C10orf67: variants seen among roughly 807,000 people sequenced by gnomAD.
C10orf67 encodes chromosome 10 open reading frame 67.
Under a neutral mutation model 35.6 loss-of-function variants are expected in C10orf67, and 60 were observed. The ratio of observed to expected loss-of-function variants is 1.68; its 90% CI spans 1.37 to 2.09. The LOEUF (loss-of-function observed/expected upper bound fraction) is 2.09. Among genes scored for constraint, C10orf67 ranks in the 30% most tolerant of loss-of-function variants. C10orf67 has a pLI of 0.00. For synonymous variants in C10orf67, 167 were observed against 115.8 expected (o/e 1.44, Z -2.84); for missense variants, 474 against 330.2 (o/e 1.44, Z -3.38).
intron 8 of C10orf67, among the ~76,000 whole-genome samples, chr10:23,271,456 A>C (rs1298137926): frequency 1.3e-5 from 2 of 152,272 alleles, no homozygotes; most frequent in Admixed American, 1.3e-4. Flanking sequence ...TAGCCAGACC[A>C]TCTGTTAAGT....
intron 5 of C10orf67, among the ~76,000 whole-genome samples, chr10:23,297,209 C>T (rs1386984926): frequency 6.8e-6 from 1 of 147,760 alleles, no homozygotes; most frequent in African/African-American, 2.5e-5. Context: ...TCAATATCTT[C>T]TTGGTGGTTC....
rs180795930 is a variant in C10orf67, at chr10:23,295,468, C to T, written c.703-4189G>A. 2.3e-3 allele frequency among the ~76,000 whole-genome samples: 345 copies of T among 152,294 alleles called. 1 individual carries two copies. The highest frequency in any genetic ancestry group is 3.7e-3 in the Non-Finnish European group (250 of 68,018). On this transcript the variant is annotated intron_variant, in intron 5 of 15. Coordinates refer to ENST00000636213, the MANE Select transcript of C10orf67 (RefSeq NM_001371909.1). ...TTTGGTACATTTTATGGAACATAAA[C>T]GGATGGCCATAAGGATTTGTGCATT... is the stretch of plus-strand genomic sequence containing the variant.
chr10:23,240,249 G>A (rs1341989661), intron 12 of C10orf67, among the ~76,000 whole-genome samples: 1 of 152,044 alleles, frequency 6.6e-6, no homozygotes, highest in South Asian at 2.1e-4. Flanking sequence ...ATGTTTTTCA[G>A]CTCAGAAAAG....
chr10:23,239,059 T>C (rs1321143419), intron 13 of C10orf67, among the ~76,000 whole-genome samples: 5 of 152,288 alleles, frequency 3.3e-5, no homozygotes, highest in East Asian at 3.9e-4. Flanking sequence ...CATATATTTA[T>C]ATGTTTCTTA....
chr10:23,336,857 A>C (rs1221511654), intron 1 of C10orf67, among the ~76,000 whole-genome samples: 1 of 152,174 alleles, frequency 6.6e-6, no homozygotes, highest in Non-Finnish European at 1.5e-5. Context: ...AAAGCAATGA[A>C]GTCTCCTTGA....
chr10:23,273,535 G>C (rs747485950), intron 8 of C10orf67, among the ~76,000 whole-genome samples: 6 of 152,090 alleles, frequency 3.9e-5, no homozygotes, highest in Non-Finnish European at 8.8e-5. Flanking sequence ...TTGCAGTCTG[G>C]AATCTCATTA....
intron 15 of C10orf67, among the ~76,000 whole-genome samples, chr10:23,221,684 T>C (rs556975355): frequency 3.9e-4 from 60 of 152,330 alleles, no homozygotes; most frequent in Non-Finnish European, 6.0e-4. Flanking sequence ...ATGCGTGAAA[T>C]GCAAGGCATT....
At chr10:23,222,642 T>C (rs1403041512) in intron 15 of C10orf67, among the ~76,000 whole-genome samples, 2 of 152,160 alleles carry the variant, frequency 1.3e-5, no homozygotes. Flanking sequence ...CATGTACCCC[T>C]GGAACCTAAA....
intron 12 of C10orf67, among the ~76,000 whole-genome samples, chr10:23,246,316 T>G (rs575438205): frequency 1.3e-5 from 2 of 152,198 alleles, no homozygotes; most frequent in East Asian, 1.9e-4. Context: ...AAGTTACCCA[T>G]GTAACAAACC....
intron 13 of C10orf67, among the ~76,000 whole-genome samples, chr10:23,236,924 G>A (rs1196823209): frequency 1.3e-5 from 2 of 152,078 alleles, no homozygotes; most frequent in African/African-American, 4.8e-5. Flanking sequence ...GGGGGTACAT[G>A]GCAGGTTTGT....
At chr10:23,292,158 C>CT (rs542812504) in intron 5 of C10orf67, among the ~76,000 whole-genome samples, 5,154 of 69,278 alleles carry the variant, frequency 0.074, 786 homozygotes, top group East Asian at 0.63. Context: ...GACAGCTACT[C>CT]TTTTTTTTTT....
chr10:23,296,002 A>T (rs1046330869), intron 5 of C10orf67, among the ~76,000 whole-genome samples: 7 of 152,208 alleles, frequency 4.6e-5, no homozygotes, highest in Non-Finnish European at 8.8e-5. Flanking sequence ...TTTGTGTTTG[A>T]TTCATTATCT....
intron 15 of C10orf67, among the ~76,000 whole-genome samples, chr10:23,221,807 T>C (rs961989808): frequency 1.3e-5 from 2 of 152,224 alleles, no homozygotes; most frequent in African/African-American, 2.4e-5. Context: ...TCAGTAAAAA[T>C]AGGAAATTTA....
chr10:23,214,317 G>A (rs1027609920), intron 15 of C10orf67, among the ~76,000 whole-genome samples: 3 of 151,970 alleles, frequency 2.0e-5, no homozygotes, highest in African/African-American at 2.4e-5. Flanking sequence ...TTAATAAGAC[G>A]AGCTAATAGA....
At chr10:23,266,790 C>G (rs1009977474) in intron 9 of C10orf67, among the ~76,000 whole-genome samples, 8 of 152,150 alleles carry the variant, frequency 5.3e-5, no homozygotes, top group Non-Finnish European at 1.0e-4. Flanking sequence ...ATGAGGATAT[C>G]AGGATGCACT....
chr10:23,244,095 T>C (rs940613310), intron 12 of C10orf67, among the ~76,000 whole-genome samples: 3 of 152,134 alleles, frequency 2.0e-5, no homozygotes, highest in African/African-American at 7.2e-5. Context: ...TTCACTTTGT[T>C]GCCCAGGCTG....
chr10:23,332,944 T>A, intron 2 of C10orf67, 118 bp downstream of exon 2: 5 of 995,566 alleles, frequency 5.0e-6, no homozygotes, highest in Non-Finnish European at 7.4e-6. Context: ...TTCAGCTGTT[T>A]GTCAAAGATG....
intron 4 of C10orf67, among the ~76,000 whole-genome samples, chr10:23,312,096 T>TA (rs1217523099): frequency 6.6e-6 from 1 of 152,236 alleles, no homozygotes; most frequent in African/African-American, 2.4e-5. Context: ...GTATTATACT[T>TA]ACTAATTAAT....
At chr10:23,237,749 G>T (rs1842085472) in intron 13 of C10orf67, among the ~76,000 whole-genome samples, 1 of 152,178 alleles carries the variant, frequency 6.6e-6, no homozygotes, top group Non-Finnish European at 1.5e-5. Flanking sequence ...TGTAGTGATA[G>T]AAATCAAAAC....
Sources: gnomAD v4.1 joint callset for allele counts (sites outside exome capture counted in the v4.1 genomes callset) on GRCh38, gnomAD v4.1.1 for gene constraint, MANE v1.5 for transcripts, NCBI Gene and HGNC (gene_info 2026-07-23, HGNC 2026-07-21) for gene names.